Variants in SGCZ observed in about 807,000 individuals in gnomAD.
SGCZ encodes the protein zeta-sarcoglycan.
SGCZ carries 40 observed loss-of-function variants against 41.3 expected under a neutral mutation model. That is an observed-to-expected ratio of 0.97 (90% CI 0.75 to 1.26). The LOEUF is 1.26. Among genes scored for constraint, SGCZ ranks in the 50% most tolerant of loss-of-function variants. SGCZ has a pLI of 0.00. For missense variants in SGCZ, 552 were observed against 369.8 expected, an observed-to-expected ratio of 1.49 and a Z score of -4.04; for synonymous variants, 206 against 137.5, an observed-to-expected ratio of 1.50 and a Z score of -3.49.
chr8:14,369,579 G>A (rs1161521809), intron 2 of SGCZ, among the ~76,000 whole-genome samples: 1 of 151,914 alleles, frequency 6.6e-6, no homozygotes, highest in African/African-American at 2.4e-5. Context: ...TAATTTATAA[G>A]TATTTTATGG....
At chr8:14,632,622 T>C (rs1806695532) in intron 1 of SGCZ, among the ~76,000 whole-genome samples, 2 of 151,964 alleles carry the variant, frequency 1.3e-5, no homozygotes, top group South Asian at 4.1e-4. Context: ...CTGAATACTT[T>C]TCAGATCTGT....
chr8:14,730,597 A>G (rs1194284323), intron 1 of SGCZ, among the ~76,000 whole-genome samples: 1 of 151,912 alleles, frequency 6.6e-6, no homozygotes, highest in Non-Finnish European at 1.5e-5. Flanking sequence ...TTGATCTGCT[A>G]ACATCAGGTT....
intron 2 of SGCZ, among the ~76,000 whole-genome samples, chr8:14,477,285 C>T (rs894987438): frequency 1.3e-5 from 2 of 152,262 alleles, no homozygotes; most frequent in South Asian, 4.1e-4. Context: ...ACAAAAACCA[C>T]CACCACAGCA....
intron 1 of SGCZ, among the ~76,000 whole-genome samples, chr8:14,720,824 A>C (rs1809860171): frequency 1.3e-5 from 2 of 152,220 alleles, no homozygotes; most frequent in South Asian, 2.1e-4. Flanking sequence ...TCTTGAAAGG[A>C]ATGTTTACAT....
intron 5 of SGCZ, among the ~76,000 whole-genome samples, chr8:14,111,231 G>A: frequency 6.6e-6 from 1 of 152,160 alleles, no homozygotes; most frequent in East Asian, 1.9e-4. Flanking sequence ...TATAAGTATA[G>A]GATATTTACA....
At chr8:15,067,880 A>G (rs1805209657) in intron 1 of SGCZ, among the ~76,000 whole-genome samples, 1 of 152,212 alleles carries the variant, frequency 6.6e-6, no homozygotes, top group Non-Finnish European at 1.5e-5. Flanking sequence ...TCCTGTGCCA[A>G]TATATAGGAA....
Position 14,713,082 on chromosome 8 carries a change from G to C in SGCZ, c.40-158156C>G, listed in dbSNP as rs529047245. ...ACTAAGCACAATACAACAGTTCTAA[G>C]CCTATTAAAAAAGTTTCTTGGAAAT... On this transcript the variant is annotated intron_variant, in intron 1 of 7. Transcript: ENST00000382080. 3.3e-5 allele frequency among the ~76,000 whole-genome samples: 5 copies of C among 152,164 alleles called. No homozygotes were observed. In the South Asian group the frequency reaches 1.0e-3, roughly 32 times the overall value.
intron 1 of SGCZ, among the ~76,000 whole-genome samples, chr8:15,194,950 C>A (rs1030563423): frequency 6.6e-6 from 1 of 152,076 alleles, no homozygotes; most frequent in African/African-American, 2.4e-5. Context: ...CTACAACTTG[C>A]GACGTCGTTT....
intron 4 of SGCZ, among the ~76,000 whole-genome samples, chr8:14,202,010 C>A (rs1261568291): frequency 6.6e-6 from 1 of 152,112 alleles, no homozygotes; most frequent in Non-Finnish European, 1.5e-5. Flanking sequence ...CTCAGAACGC[C>A]CCACCTCCTA....
chr8:14,828,268 C>T (rs191338695), intron 1 of SGCZ, among the ~76,000 whole-genome samples: 62 of 152,168 alleles, frequency 4.1e-4, no homozygotes, highest in Non-Finnish European at 7.1e-4. Flanking sequence ...GAAGATGAAG[C>T]CTGCAGGAAC....
rs997686594 is a variant in SGCZ at position 14,321,212 on chromosome 8, T to A, written c.336+2891A>T. 4.6e-5 allele frequency among the ~76,000 whole-genome samples: 7 copies of A among 152,220 alleles called. No individual in the cohort carries two copies. The East Asian group carries it at 1.4e-3, about 29-fold the overall frequency. ...TATGAGTAATCTTCCCTGAGAATAATGTTAATTTTGAAAAATACATTGAAT... is the reference window on the plus strand; with the variant it reads ...TATGAGTAATCTTCCCTGAGAATAAAGTTAATTTTGAAAAATACATTGAAT... On this transcript the variant is annotated intron_variant, in intron 3 of 7. Transcript: ENST00000382080.
chr8:15,054,324 C>A (rs1804626140), intron 1 of SGCZ, among the ~76,000 whole-genome samples: 1 of 152,182 alleles, frequency 6.6e-6, no homozygotes, highest in Non-Finnish European at 1.5e-5. Context: ...CAGCTTCACC[C>A]ATGTGGTCCT....
chr8:14,774,992 G>A (rs1800356836), intron 1 of SGCZ, among the ~76,000 whole-genome samples: 1 of 151,704 alleles, frequency 6.6e-6, no homozygotes, highest in Admixed American at 6.6e-5. Flanking sequence ...CCACATAAAG[G>A]AAAAAAATGC....
intron 2 of SGCZ, among the ~76,000 whole-genome samples, chr8:14,366,740 A>T (rs1361608320): frequency 6.6e-6 from 1 of 152,154 alleles, no homozygotes; most frequent in Admixed American, 6.6e-5. Context: ...TTAACTGAAG[A>T]GTTCACAGAG....
intron 1 of SGCZ, among the ~76,000 whole-genome samples, chr8:14,673,474 C>T (rs1396885217): frequency 6.6e-6 from 1 of 152,116 alleles, no homozygotes. Context: ...CACTCTCTCT[C>T]TCTCTCCTGC....
intron 1 of SGCZ, among the ~76,000 whole-genome samples, chr8:14,652,202 G>C (rs1053183552): frequency 6.6e-6 from 1 of 151,498 alleles, no homozygotes; most frequent in Non-Finnish European, 1.5e-5. Flanking sequence ...TTAGCTGGGC[G>C]TGGTGGCGAA....
intron 5 of SGCZ, among the ~76,000 whole-genome samples, chr8:14,161,858 TAC>T (rs1236413116): frequency 1.3e-5 from 2 of 152,038 alleles, no homozygotes; most frequent in Non-Finnish European, 2.9e-5. Flanking sequence ...TATCTATACA[TAC>T]AGTCACATAA....
At chr8:14,589,212 G>A (rs935179951) in intron 1 of SGCZ, among the ~76,000 whole-genome samples, 10 of 151,920 alleles carry the variant, frequency 6.6e-5, no homozygotes, top group Admixed American at 1.3e-4. Context: ...TGGGTGTGCT[G>A]GTGCATGCCT....
chr8:14,949,096 C>T (rs939482878), intron 1 of SGCZ, among the ~76,000 whole-genome samples: 2 of 152,054 alleles, frequency 1.3e-5, no homozygotes, highest in Non-Finnish European at 2.9e-5. Context: ...CCAGAATTTG[C>T]TCTCTCAATT....
Sources: gnomAD v4.1 joint callset for allele counts (sites outside exome capture counted in the v4.1 genomes callset) on GRCh38, gnomAD v4.1.1 for gene constraint, MANE v1.5 for transcripts, NCBI Gene and HGNC (gene_info 2026-07-23, HGNC 2026-07-21) for gene names.